The following TENM1 variants were observed in gnomAD, a reference collection of about 807,000 sequenced individuals.
The protein encoded by TENM1 is teneurin-1.
In TENM1, 35 loss-of-function variants were observed where a neutral mutation model predicts 174.8. The ratio of observed to expected loss-of-function variants is 0.20; its 90% CI spans 0.15 to 0.27. The LOEUF (loss-of-function observed/expected upper bound fraction) is 0.27, where lower values mean the gene tolerates loss of function less well. Ranked by LOEUF, TENM1 falls within the 10% of genes least tolerant of loss-of-function variation. The probability of loss-of-function intolerance (pLI) is 1.00; values close to 1 mark genes in which losing one functional copy is unlikely to be tolerated. For missense variants in TENM1, 1,633 were observed against 2,130.1 expected (o/e 0.77, Z 4.59); for synonymous variants, 781 against 798.7 (o/e 0.98, Z 0.37).
intron 3 of TENM1, among the ~76,000 whole-genome samples, chrX:124,853,766 T>C (rs1401517715): frequency 1.8e-5 from 2 of 110,390 alleles, no homozygotes; most frequent in African/African-American, 6.6e-5. Flanking sequence ...TTGGCTGAAG[T>C]TGGATATTAT....
chrX:124,428,315 A>G (rs986374689), intron 23 of TENM1, among the ~76,000 whole-genome samples: 3 of 112,279 alleles, frequency 2.7e-5, no homozygotes, highest in African/African-American at 9.7e-5. Flanking sequence ...ATTGGTTTAG[A>G]GATCCAGCTA....
intron 6 of TENM1, among the ~76,000 whole-genome samples, chrX:124,660,416 C>A (rs2051569933): frequency 9.1e-6 from 1 of 109,740 alleles, no homozygotes; most frequent in African/African-American, 3.3e-5. Flanking sequence ...CTTCAAAAGA[C>A]ACTATCAAGA....
At chrX:125,079,612 ACTT>A in the TENM1 span, among the ~76,000 whole-genome samples, 2 of 111,519 alleles carry the variant, frequency 1.8e-5, no homozygotes, top group South Asian at 7.4e-4. Context: ...TCTCAGATAA[ACTT>A]CTTTTAGTTG....
In TENM1 at chrX:124,804,645, C is replaced by T. The variant is rs769824933; in HGVS notation, c.536-67448G>A. On this transcript the variant is annotated intron_variant, in intron 3 of 31. Transcript: ENST00000422452. ...ATTCTTCTTCCTAAATTTTGTATAT[C>T]ATCACCTGTGAACCAACAGACATTA... Among the ~76,000 whole-genome samples the T allele has an allele frequency of 6.3e-5, 7 of 111,805 alleles. No individual in the cohort carries two copies. The East Asian group carries it at 2.0e-3, about 31-fold the overall frequency.
rs189535239 is a variant in TENM1, at chrX:124,390,135, G to A, written c.5688+1917C>T. Among the ~76,000 whole-genome samples, 173 of 112,001 alleles carry A rather than the reference G, an allele frequency of 1.5e-3. 1 individual carries two copies. Among genetic ancestry groups the A allele is most frequent in the African/African-American group, 5.0e-3 (155 of 30,856 alleles). ...TTGCTTAGCAATTATTGCCAACTAC[G>A]TTTTTGTAGCAAAGAGAACTTGTGA... On this transcript the variant is annotated intron_variant, in intron 28 of 31. Coordinates refer to ENST00000422452, the Ensembl canonical transcript of TENM1.
At chrX:124,874,270 G>C (rs190393843) in intron 3 of TENM1, among the ~76,000 whole-genome samples, 285 of 111,374 alleles carry the variant, frequency 2.6e-3, no homozygotes, top group African/African-American at 9.0e-3. Flanking sequence ...AAAAATGTAT[G>C]TTATAAAATT....
chrX:125,137,225 G>A, the TENM1 span, among the ~76,000 whole-genome samples: 9 of 111,193 alleles, frequency 8.1e-5, no homozygotes, highest in East Asian at 2.5e-3. Context: ...TAGTCTAAGT[G>A]ATATTGATTA....
chrX:124,822,179 A>G (rs145113456), intron 3 of TENM1, among the ~76,000 whole-genome samples: 1,353 of 111,667 alleles, frequency 0.012, 22 homozygotes, highest in African/African-American at 0.041. Flanking sequence ...TCTCCTTGCT[A>G]GAATTAGGAT....
chrX:125,054,480 T>C, the TENM1 span, among the ~76,000 whole-genome samples: 1 of 110,941 alleles, frequency 9.0e-6, no homozygotes, highest in Non-Finnish European at 1.9e-5. Context: ...GTTTGAGAGA[T>C]ACATTTAAGT....
At chrX:125,126,190 T>C in the TENM1 span, among the ~76,000 whole-genome samples, 1 of 111,866 alleles carries the variant, frequency 8.9e-6, no homozygotes, top group Admixed American at 9.6e-5. Flanking sequence ...TTGTGTCACA[T>C]TTAATTGCCT....
intron 15 of TENM1, among the ~76,000 whole-genome samples, chrX:124,541,785 A>G (rs1215656024): frequency 8.9e-6 from 1 of 112,140 alleles, no homozygotes; most frequent in African/African-American, 3.2e-5. Context: ...ATTATTTGAT[A>G]CTGCTCTCAT....
intron 18 of TENM1, among the ~76,000 whole-genome samples, chrX:124,517,294 TTAAAA>T (rs1337405393): frequency 2.7e-5 from 3 of 110,921 alleles, no homozygotes; most frequent in Admixed American, 1.9e-4. Context: ...ACCCCTGAAC[TTAAAA>T]TAAAAGTTTA....
chrX:124,773,023 G>A (rs989283248), intron 3 of TENM1, among the ~76,000 whole-genome samples: 4 of 111,825 alleles, frequency 3.6e-5, no homozygotes, highest in East Asian at 2.8e-4. Context: ...GTAGATGATC[G>A]AAAACATAAC....
At chrX:125,152,189 A>G in the TENM1 span, among the ~76,000 whole-genome samples, 1 of 108,470 alleles carries the variant, frequency 9.2e-6, no homozygotes, top group African/African-American at 3.4e-5. Flanking sequence ...CGGGAGGTGG[A>G]GGTTGCAGTG....
chrX:124,896,329 C>A, intron 1 of TENM1, 88 bp from the exon 5 acceptor site: 1 of 979,508 alleles, frequency 1.0e-6, no homozygotes, highest in Admixed American at 2.7e-5. Context: ...TTCCCCTCTC[C>A]CCCATTGGTA....
chrX:124,951,560 T>C (rs2058484097), intron 1 of TENM1, among the ~76,000 whole-genome samples: 1 of 106,052 alleles, frequency 9.4e-6, no homozygotes, highest in Non-Finnish European at 1.9e-5. Context: ...TGTGTAATTA[T>C]TTTATCTAAA....
chrX:125,096,396 G>GA, the TENM1 span, among the ~76,000 whole-genome samples: 1 of 111,229 alleles, frequency 9.0e-6, no homozygotes, highest in Admixed American at 9.5e-5. Context: ...GTATTATCTG[G>GA]AAAAAAACAC....
chrX:124,686,757 G>C (rs953848710), intron 5 of TENM1, among the ~76,000 whole-genome samples: 1 of 111,935 alleles, frequency 8.9e-6, no homozygotes, highest in African/African-American at 3.3e-5. Flanking sequence ...ACTAGGTATT[G>C]ATGGAATATA....
intron 6 of TENM1, among the ~76,000 whole-genome samples, chrX:124,662,785 C>A (rs916386524): frequency 8.9e-6 from 1 of 111,849 alleles, no homozygotes; most frequent in Non-Finnish European, 1.9e-5. Context: ...TCTTTTAAGC[C>A]TGTTAATCAC....
Sources: allele counts gnomAD v4.1 joint callset (sites outside exome capture counted in the v4.1 genomes callset), GRCh38; gene constraint gnomAD v4.1.1; transcripts MANE v1.5; gene names NCBI Gene and HGNC (gene_info 2026-07-23, HGNC 2026-07-21).